The following TRMT11 variants were observed in gnomAD, a reference collection of about 807,000 sequenced individuals.
TRMT11 encodes the protein tRNA (guanine(10)-N(2))-methyltransferase TRMT11.
In TRMT11, 53 loss-of-function variants were observed where a neutral mutation model predicts 62.8. The ratio of observed to expected loss-of-function variants is 0.84; its 90% CI spans 0.68 to 1.06. The LOEUF is 1.06. Among genes scored for constraint, TRMT11 ranks in the 50% least tolerant of loss-of-function variants. The pLI, the probability that TRMT11 is intolerant of heterozygous loss-of-function variation, is 0.00. For missense variants in TRMT11, 556 were observed against 553.4 expected (o/e 1.00, Z -0.05); for synonymous variants, 188 against 190.3 (o/e 0.99, Z 0.10).
In TRMT11 at chr6:126,195,014, G is replaced by A. The variant is rs374133647; in HGVS notation, n.144-3785G>A. ...CCCTGTTGTCCCAGCTACTCAGGAGGCTGACGCAGGAGGATTGCTTGAAAC... is the reference window on the plus strand; with the variant it reads ...CCCTGTTGTCCCAGCTACTCAGGAGACTGACGCAGGAGGATTGCTTGAAAC... On this transcript the variant is annotated intron_variant and non_coding_transcript_variant, in intron 1 of 3. Coordinates refer to the TRMT11 transcript ENST00000444229. Among the ~76,000 whole-genome samples, 13 of 152,304 alleles carry A rather than the reference G, an allele frequency of 8.5e-5. No individual in the cohort carries two copies. In the East Asian group the frequency reaches 2.1e-3, roughly 25 times the overall value.
chr6:126,077,165 C>T (rs116694091), intron 17 of TRMT11, among the ~76,000 whole-genome samples: 194 of 152,316 alleles, frequency 1.3e-3, no homozygotes, highest in African/African-American at 4.5e-3. Flanking sequence ...CTATTGCAAC[C>T]TCAGTCCCTA....
intron 21 of TRMT11, among the ~76,000 whole-genome samples, chr6:126,148,615 A>G (rs939195264): frequency 6.6e-6 from 1 of 152,160 alleles, no homozygotes; most frequent in Non-Finnish European, 1.5e-5. Flanking sequence ...CTTTAAAGTA[A>G]AACTAATAAT....
intron 17 of TRMT11, among the ~76,000 whole-genome samples, chr6:126,093,581 G>GTGTGTATATATATATATA (rs1777298410): frequency 2.7e-5 from 1 of 37,070 alleles, no homozygotes; most frequent in Non-Finnish European, 5.5e-5. Flanking sequence ...AACAGGATAT[G>GTGTGTATATATATATATA]TATGTATATA....
chr6:126,065,629 T>TA (rs1280419524), intron 17 of TRMT11, among the ~76,000 whole-genome samples: 3 of 152,222 alleles, frequency 2.0e-5, no homozygotes, highest in African/African-American at 7.2e-5. Context: ...ATGGGAATAA[T>TA]AGAAGTACTT....
At chr6:126,091,649 GCTTTGTGCTAGGTC>G (rs1777278942) in intron 17 of TRMT11, among the ~76,000 whole-genome samples, 1 of 152,074 alleles carries the variant, frequency 6.6e-6, no homozygotes, top group African/African-American at 2.4e-5. Flanking sequence ...TATTTGTCTG[GCTTTGTGCTAGGTC>G]CTTTGTGCTG....
At chr6:126,066,435 G>T (rs979637864) in intron 17 of TRMT11, among the ~76,000 whole-genome samples, 1 of 152,212 alleles carries the variant, frequency 6.6e-6, no homozygotes, top group Admixed American at 6.5e-5. Context: ...GGCGCTCTTT[G>T]TTATGTCCTC....
At chr6:126,057,228 C>T (rs150497375) in intron 17 of TRMT11, among the ~76,000 whole-genome samples, 1 of 152,348 alleles carries the variant, frequency 6.6e-6, no homozygotes, top group East Asian at 1.9e-4. Flanking sequence ...TCTTTCCTCT[C>T]ACCTAGTCCT....
intron 21 of TRMT11, among the ~76,000 whole-genome samples, chr6:126,162,489 C>T (rs1274105442): frequency 3.3e-5 from 5 of 152,034 alleles, no homozygotes; most frequent in African/African-American, 1.2e-4. Flanking sequence ...TTGAAGTCAG[C>T]TAGTGTGATG....
At chr6:125,993,567 CT>C (rs1237982165) in intron 1 of TRMT11, among the ~76,000 whole-genome samples, 189 bp from the exon 2 acceptor site, 1 of 152,116 alleles carries the variant, frequency 6.6e-6, no homozygotes, top group Non-Finnish European at 1.5e-5. Flanking sequence ...TCAGAAATTA[CT>C]TACCTGTGGT....
intron 17 of TRMT11, among the ~76,000 whole-genome samples, chr6:126,068,186 A>T (rs966736733): frequency 2.0e-5 from 3 of 152,038 alleles, no homozygotes; most frequent in Non-Finnish European, 2.9e-5. Context: ...AAGAGTTTTT[A>T]AAAAATATTC....
chr6:126,209,635 AG>A, the TRMT11 span, among the ~76,000 whole-genome samples: 1 of 151,798 alleles, frequency 6.6e-6, no homozygotes, highest in South Asian at 2.1e-4. Context: ...CTGAGGCAGG[AG>A]AATGGCGTGA....
chr6:126,041,546 A>G (rs1373476403), downstream of TRMT11, among the ~76,000 whole-genome samples: 21 of 152,184 alleles, frequency 1.4e-4, no homozygotes, highest in Admixed American at 1.4e-3. Context: ...ATGGAATAAA[A>G]CATAATGTTT....
At chr6:126,226,883 G>T in the TRMT11 span, among the ~76,000 whole-genome samples, 1 of 152,146 alleles carries the variant, frequency 6.6e-6, no homozygotes, top group Non-Finnish European at 1.5e-5. Flanking sequence ...ATGGGGGCAG[G>T]TCTCCTGTGC....
intron 21 of TRMT11, among the ~76,000 whole-genome samples, chr6:126,127,656 C>T: frequency 8.7e-6 from 1 of 114,776 alleles, no homozygotes; most frequent in Non-Finnish European, 1.8e-5. Context: ...CCTCCCCCCT[C>T]CCCCCACCCC....
the TRMT11 span, among the ~76,000 whole-genome samples, chr6:126,222,941 G>T: frequency 6.7e-4 from 102 of 151,500 alleles, no homozygotes; most frequent in South Asian, 0.021. Flanking sequence ...ACTTAAATGT[G>T]TTTTTGTGGT....
rs1458587409 is a variant in TRMT11 at position 126,093,616 on chromosome 6, TATATATA to T, written c.*1438-19249_*1438-19243del. ...ATATATATATATATATATATATATATATATATATATATATATTTTCCCCCAGTCCTGG... is the reference window on the plus strand; with the variant it reads ...ATATATATATATATATATATATATATTATATATATTTTCCCCCAGTCCTGG... On this transcript the variant is annotated intron_variant and NMD_transcript_variant, in intron 17 of 22. Coordinates refer to the TRMT11 transcript ENST00000648977. Among the ~76,000 whole-genome samples the T allele has an allele frequency of 1.9e-3, 179 of 93,182 alleles. 12 individuals are homozygous for T. The highest frequency in any genetic ancestry group is 0.012 in the African/African-American group (175 of 14,956). 61.1% of individuals were successfully genotyped at this position (93,182 alleles called of 152,430 possible).
intron 12 of TRMT11, among the ~76,000 whole-genome samples, chr6:126,032,979 C>T (rs902831378): frequency 1.3e-5 from 2 of 152,140 alleles, no homozygotes; most frequent in Admixed American, 1.3e-4. Flanking sequence ...CTTCAAAAAT[C>T]AGTGGGACAA....
At chr6:126,225,025 G>C in the TRMT11 span, among the ~76,000 whole-genome samples, 1 of 152,274 alleles carries the variant, frequency 6.6e-6, no homozygotes, top group Admixed American at 6.5e-5. Context: ...GAGGCTGACA[G>C]ACAGAGGGGT....
At chr6:125,997,518 G>A (rs185291220) in intron 3 of TRMT11, among the ~76,000 whole-genome samples, 1 of 152,216 alleles carries the variant, frequency 6.6e-6, no homozygotes, top group Admixed American at 6.5e-5. Flanking sequence ...ACGTGCGCAC[G>A]CACATGCATG....
Sources: allele counts gnomAD v4.1 joint callset (sites outside exome capture counted in the v4.1 genomes callset), GRCh38; gene constraint gnomAD v4.1.1; transcripts MANE v1.5; gene names NCBI Gene and HGNC (gene_info 2026-07-23, HGNC 2026-07-21).